The following RNLS variants were observed in gnomAD, a reference collection of about 807,000 sequenced individuals.
RNLS encodes the protein renalase.
A neutral mutation model predicts 39.8 loss-of-function variants in RNLS; 39 were observed. The observed-to-expected ratio is 0.98, with a 90% CI of 0.76 to 1.28. RNLS has a LOEUF of 1.28. RNLS is among the 50% of genes most tolerant of loss of function. The pLI, the probability that RNLS is intolerant of heterozygous loss-of-function variation, is 0.00. For synonymous variants in RNLS, 147 were observed against 150.7 expected, an observed-to-expected ratio of 0.98 and a Z score of 0.18; for missense variants, 410 against 413.3, an observed-to-expected ratio of 0.99 and a Z score of 0.07.
chr10:88,256,490 T>C, the RNLS span, among the ~76,000 whole-genome samples: 28 of 152,352 alleles, frequency 1.8e-4, no homozygotes, highest in African/African-American at 6.5e-4. Flanking sequence ...GAACTCGGCC[T>C]GAAAACCTTC....
chr10:88,390,257 GT>G (rs1852112711), intron 4 of RNLS, among the ~76,000 whole-genome samples: 1 of 152,192 alleles, frequency 6.6e-6, no homozygotes, highest in Non-Finnish European at 1.5e-5. Flanking sequence ...CGCTATCTGG[GT>G]CACACACCAC....
chr10:88,436,880 C>T lies in RNLS; in HGVS notation c.527-74155G>A, dbSNP rs373368216. 1.8e-4 allele frequency among the ~76,000 whole-genome samples: 28 copies of T among 152,194 alleles called. No homozygotes were observed. The East Asian group carries it at 5.4e-3, about 29-fold the overall frequency. On this transcript the variant is annotated intron_variant, in intron 4 of 6. Transcript: ENST00000331772. ...CAATAATAAAATCAGTTTGCAGATA[C>T]AATCTACATTTCCATATATTATTGA...
intron 4 of RNLS, among the ~76,000 whole-genome samples, chr10:88,562,929 A>C (rs1373923730): frequency 6.6e-6 from 1 of 152,196 alleles, no homozygotes; most frequent in African/African-American, 2.4e-5. Context: ...TCTAAAACCA[A>C]GTAACCATAA....
chr10:88,350,998 T>A lies in RNLS; in HGVS notation c.700+11554A>T, dbSNP rs185256598. On this transcript the variant is annotated intron_variant, in intron 5 of 6. Coordinates refer to ENST00000331772, the MANE Select transcript of RNLS (RefSeq NM_001031709.3). ...TGATGGCCAGTGATAAGGAGCATTT[T>A]TTCATGTGTCTGCTGGCTGCACAAA... Among the ~76,000 whole-genome samples, 406 of 152,370 alleles carry A rather than the reference T, an allele frequency of 2.7e-3. 2 individuals carry two copies. The highest frequency in any genetic ancestry group is 0.02 in the Middle Eastern group (6 of 294).
chr10:88,408,647 G>T (rs900854117), intron 4 of RNLS, among the ~76,000 whole-genome samples: 5 of 151,950 alleles, frequency 3.3e-5, no homozygotes, highest in Non-Finnish European at 7.4e-5. Context: ...TATCAATTTG[G>T]TGTTTTATAT....
the RNLS span, among the ~76,000 whole-genome samples, chr10:88,213,736 T>G: frequency 2.6e-5 from 4 of 152,196 alleles, no homozygotes; most frequent in African/African-American, 7.2e-5. Context: ...ATGATGATTC[T>G]GTGGTTCAAT....
chr10:88,542,536 T>G (rs2765453), intron 4 of RNLS, among the ~76,000 whole-genome samples: 126,949 of 152,142 alleles, frequency 0.83, 53,616 homozygotes, highest in East Asian at 0.98. Context: ...CTTGTCCATG[T>G]CACAGAAAAG....
At chr10:88,360,562 G>A (rs536744649) in intron 5 of RNLS, among the ~76,000 whole-genome samples, 5 of 152,226 alleles carry the variant, frequency 3.3e-5, no homozygotes, top group Admixed American at 6.5e-5. Context: ...TCAGCCTCCC[G>A]AGTAGCTGGA....
chr10:88,579,621 T>C (rs537197807), intron 3 of RNLS, among the ~76,000 whole-genome samples: 3 of 152,198 alleles, frequency 2.0e-5, no homozygotes, highest in South Asian at 4.2e-4. Context: ...ATGATTTCAA[T>C]AGGTATACTC....
the RNLS span, among the ~76,000 whole-genome samples, chr10:88,251,917 C>T: frequency 6.6e-6 from 1 of 152,170 alleles, no homozygotes; most frequent in Non-Finnish European, 1.5e-5. Flanking sequence ...AAGCCTCTTC[C>T]AATGGTGCAC....
intron 4 of RNLS, among the ~76,000 whole-genome samples, chr10:88,441,208 T>C (rs1841692770): frequency 1.3e-5 from 2 of 152,204 alleles, no homozygotes; most frequent in African/African-American, 4.8e-5. Context: ...TGGCAATTTA[T>C]AAATCCCTAC....
At chr10:88,563,784 A>C (rs1364414202) in intron 4 of RNLS, among the ~76,000 whole-genome samples, 1 of 152,220 alleles carries the variant, frequency 6.6e-6, no homozygotes, top group East Asian at 1.9e-4. Context: ...TTAATAGTTC[A>C]TTTAAAAACC....
At chr10:88,473,386 G>A (rs967746452) in intron 4 of RNLS, among the ~76,000 whole-genome samples, 1 of 152,094 alleles carries the variant, frequency 6.6e-6, no homozygotes, top group African/African-American at 2.4e-5. Flanking sequence ...AGGCACTTGG[G>A]TGAAGCAGAA....
At chr10:88,521,836 A>C (rs1347214794) in intron 4 of RNLS, among the ~76,000 whole-genome samples, 1 of 152,112 alleles carries the variant, frequency 6.6e-6, no homozygotes, top group African/African-American at 2.4e-5. Context: ...TCAACCTGGG[A>C]ATAGCCATAG....
intron 6 of RNLS, among the ~76,000 whole-genome samples, chr10:88,285,801 T>C (rs539244411): frequency 6.6e-6 from 1 of 152,126 alleles, no homozygotes; most frequent in Non-Finnish European, 1.5e-5. Flanking sequence ...GGCTATAGTC[T>C]GAAGGTTTAT....
chr10:88,562,123 T>C (rs1849228734), intron 4 of RNLS, among the ~76,000 whole-genome samples: 1 of 152,156 alleles, frequency 6.6e-6, no homozygotes, highest in Non-Finnish European at 1.5e-5. Flanking sequence ...GAAGGTAATA[T>C]GGCAATACTT....
rs138637777 is a variant in RNLS, at chr10:88,563,832, T to C, written c.526+9071A>G. 1.6e-3 allele frequency among the ~76,000 whole-genome samples: 243 copies of C among 152,290 alleles called. 1 individual carries two copies. The highest frequency in any genetic ancestry group is 5.7e-3 in the African/African-American group (235 of 41,572). ...ATGTACTGGAACTTTCAGAAACTAT[T>C]ATACTGGATGAACAAGTGCTATAAT... On this transcript the variant is annotated intron_variant, in intron 4 of 6. Transcript: ENST00000331772.
the RNLS span, among the ~76,000 whole-genome samples, chr10:88,225,729 TAATAA>T: frequency 1.3e-5 from 2 of 152,124 alleles, no homozygotes; most frequent in Non-Finnish European, 2.9e-5. Context: ...AAAATAATAA[TAATAA>T]AATAAAACAA....
At chr10:88,263,890 G>A in the RNLS span, among the ~76,000 whole-genome samples, 1 of 152,044 alleles carries the variant, frequency 6.6e-6, no homozygotes, top group East Asian at 1.9e-4. Context: ...GCTCTATAGT[G>A]GTGATTTCTG....
Sources: allele counts gnomAD v4.1 joint callset (sites outside exome capture counted in the v4.1 genomes callset), GRCh38; gene constraint gnomAD v4.1.1; transcripts MANE v1.5; gene names NCBI Gene and HGNC (gene_info 2026-07-23, HGNC 2026-07-21).